The following MMP26 variants were observed in gnomAD, a reference collection of about 807,000 sequenced individuals.
MMP26 encodes matrix metalloproteinase-26.
A neutral mutation model predicts 31.0 loss-of-function variants in MMP26; 33 were observed. That is an observed-to-expected ratio of 1.06 (90% CI 0.81 to 1.42). The LOEUF (loss-of-function observed/expected upper bound fraction) is 1.42. Among genes scored for constraint, MMP26 ranks in the 40% most tolerant of loss-of-function variants. MMP26 has a pLI of 0.00. For synonymous variants in MMP26, 122 were observed against 114.9 expected (o/e 1.06, Z -0.40); for missense variants, 347 against 316.1 (o/e 1.10, Z -0.74).
At chr11:4,834,256 A>T (rs539022902) in intron 2 of MMP26, among the ~76,000 whole-genome samples, 1 of 152,236 alleles carries the variant, frequency 6.6e-6, no homozygotes, top group South Asian at 2.1e-4. Context: ...GGGGCGCTCC[A>T]TATTACTGTT....
In MMP26 at chr11:4,848,513, C is replaced by T. The variant is rs1589918532; in HGVS notation, c.-145+81172C>T. The T allele has an allele frequency of 2.5e-6, 4 of 1,613,338 alleles. No homozygotes were observed. In the African/African-American group the frequency reaches 4.0e-5, roughly 16 times the overall value. ...GATCCTCTCTGGACTCCACACCTTG[C>T]AACACCTTGCCAATCAGGCCATAGG... On this transcript the variant is annotated intron_variant, in intron 2 of 7. Transcript: ENST00000380390.
At chr11:4,895,164 TAAC>T (rs1398202934) in intron 2 of MMP26, among the ~76,000 whole-genome samples, 1 of 152,218 alleles carries the variant, frequency 6.6e-6, no homozygotes, top group Non-Finnish European at 1.5e-5. Context: ...ATTTTACTAC[TAAC>T]AAGTATTAAA....
chr11:4,906,081 G>T (rs1850883763), intron 2 of MMP26, among the ~76,000 whole-genome samples: 1 of 152,162 alleles, frequency 6.6e-6, no homozygotes, highest in Non-Finnish European at 1.5e-5. Flanking sequence ...CAATACTACT[G>T]TAGAGCTTCA....
At chr11:4,705,241 C>T (rs910650295) in intron 1 of MMP26, among the ~76,000 whole-genome samples, 196 bp downstream of exon 1, 4 of 151,952 alleles carry the variant, frequency 2.6e-5, no homozygotes, top group Admixed American at 2.6e-4. Flanking sequence ...AGACTACAGT[C>T]ATCAGCATGT....
intron 2 of MMP26, among the ~76,000 whole-genome samples, chr11:4,803,223 A>G (rs909102624): frequency 6.6e-6 from 1 of 152,204 alleles, no homozygotes; most frequent in Non-Finnish European, 1.5e-5. Flanking sequence ...TATGTAGTCA[A>G]CAAAGTTGTT....
intron 2 of MMP26, among the ~76,000 whole-genome samples, chr11:4,972,290 G>A (rs936863816): frequency 1.3e-5 from 2 of 152,116 alleles, no homozygotes; most frequent in Non-Finnish European, 2.9e-5. Context: ...GAGGAACCTG[G>A]GTAGAGGAGA....
chr11:4,884,455 A>C (rs533270177), intron 2 of MMP26, among the ~76,000 whole-genome samples: 1 of 152,256 alleles, frequency 6.6e-6, no homozygotes, highest in South Asian at 2.1e-4. Flanking sequence ...AAAGGAAAAA[A>C]ATACAACTAT....
At chr11:4,954,690 T>C (rs1846410931) in intron 2 of MMP26, 1 of 688,214 alleles carries the variant, frequency 1.5e-6, no homozygotes, top group African/African-American at 1.8e-5. Context: ...TGTTGATAAT[T>C]CTTGGTGTCA....
At chr11:4,888,747 C>T (rs1859149572) in intron 2 of MMP26, among the ~76,000 whole-genome samples, 1 of 152,112 alleles carries the variant, frequency 6.6e-6, no homozygotes, top group African/African-American at 2.4e-5. Context: ...CTACTTATTT[C>T]ATTGTTAAGG....
rs146106524 is a variant in MMP26 at position 4,889,221 on chromosome 11, T to A, written c.-144-98847T>A. Among the ~76,000 whole-genome samples, 447 of 152,214 alleles carry A rather than the reference T, an allele frequency of 2.9e-3. 1 individual carries two copies. The highest frequency in any genetic ancestry group is 9.5e-3 in the African/African-American group (394 of 41,548). On this transcript the variant is annotated intron_variant, in intron 2 of 7. Transcript: ENST00000380390. ...TTCCAGGACCCCAAGGATGCCAAAATCTGAGGACCTTCAATCTCATATAAA... is the reference window on the plus strand; with the variant it reads ...TTCCAGGACCCCAAGGATGCCAAAAACTGAGGACCTTCAATCTCATATAAA...
At chr11:4,820,895 G>T (rs537046469) in intron 2 of MMP26, among the ~76,000 whole-genome samples, 29 of 149,510 alleles carry the variant, frequency 1.9e-4, no homozygotes, top group African/African-American at 6.5e-4. Context: ...TTTTCTTAGG[G>T]TGTTTTTTTG....
At chr11:4,815,571 CA>C (rs35785571) in intron 2 of MMP26, among the ~76,000 whole-genome samples, 13,124 of 135,198 alleles carry the variant, frequency 0.097, 631 homozygotes, top group Middle Eastern at 0.17. Context: ...TGAAGTATAA[CA>C]AAAAAAAAAA....
chr11:4,974,759 A>G (rs2124447), intron 2 of MMP26, among the ~76,000 whole-genome samples: 42,601 of 152,002 alleles, frequency 0.28, 8,804 homozygotes, highest in African/African-American at 0.58. Flanking sequence ...TGTACGCCAC[A>G]GAATATTATA....
intron 2 of MMP26, among the ~76,000 whole-genome samples, chr11:4,977,829 G>A (rs1846758486): frequency 6.6e-6 from 1 of 152,000 alleles, no homozygotes; most frequent in Non-Finnish European, 1.5e-5. Context: ...TGTACCCTTA[G>A]CTAGAACTTC....
chr11:4,888,440 G>C (rs897840964), intron 2 of MMP26, among the ~76,000 whole-genome samples: 1 of 151,978 alleles, frequency 6.6e-6, no homozygotes, highest in African/African-American at 2.4e-5. Context: ...CGAAACACTA[G>C]ATAGTAATTT....
At chr11:4,848,231 T>C (rs1431863225) in intron 2 of MMP26, 2 of 1,593,332 alleles carry the variant, frequency 1.3e-6, no homozygotes, top group Non-Finnish European at 1.7e-6. Context: ...CGGAGGGACA[T>C]CCTACTCACT....
intron 2 of MMP26, among the ~76,000 whole-genome samples, chr11:4,768,715 C>G (rs1363056192): frequency 6.6e-6 from 1 of 152,120 alleles, no homozygotes; most frequent in Admixed American, 6.5e-5. Flanking sequence ...AACACCTAGC[C>G]TGAAACAAAG....
rs115660229 is a variant in MMP26, at chr11:4,891,673, T to C, written c.-144-96395T>C. ...ATAGCATAGTGAAAACCCCACCTTT[T>C]TGTATGATAATGATTACAATGTCCT... On this transcript the variant is annotated intron_variant, in intron 2 of 7. Coordinates refer to ENST00000380390, the MANE Select transcript of MMP26 (RefSeq NM_021801.5). Among the ~76,000 whole-genome samples, 1,149 of 152,272 alleles carry C rather than the reference T, an allele frequency of 7.5e-3. 19 individuals carry two copies. Among genetic ancestry groups the C allele is most frequent in the African/African-American group, 0.025 (1,037 of 41,542 alleles).
chr11:4,769,769 A>G, intron 2 of MMP26: 1 of 1,613,950 alleles, frequency 6.2e-7, no homozygotes, highest in African/African-American at 1.3e-5. Context: ...GGTAATGATG[A>G]CAAACAGGAT....
Sources: gnomAD v4.1 joint callset for allele counts (sites outside exome capture counted in the v4.1 genomes callset) on GRCh38, gnomAD v4.1.1 for gene constraint, MANE v1.5 for transcripts, NCBI Gene and HGNC (gene_info 2026-07-23, HGNC 2026-07-21) for gene names.